Variants in SLC22A14 observed in about 807,000 individuals in gnomAD.
SLC22A14 encodes the protein organic cation transporter-like 4.
Under a neutral mutation model 53.9 loss-of-function variants are expected in SLC22A14, and 50 were observed. The observed-to-expected ratio is 0.93, with a 90% confidence interval of 0.74 to 1.17. The LOEUF is 1.17. SLC22A14 is among the 50% of genes most tolerant of loss of function. The pLI is 0.00. For missense variants in SLC22A14, 671 were observed against 734.7 expected (o/e 0.91, Z 1.00); for synonymous variants, 312 against 303.0 (o/e 1.03, Z -0.31).
At chr3:38,296,848 T>C (rs1026646364) in intron 1 of SLC22A14, among the ~76,000 whole-genome samples, 2 of 152,104 alleles carry the variant, frequency 1.3e-5, no homozygotes, top group Non-Finnish European at 2.9e-5. Flanking sequence ...AGAGCAGCAA[T>C]GGGCACCTCG....
chr3:38,301,528 A>G (rs1295916659), intron 1 of SLC22A14, among the ~76,000 whole-genome samples: 1 of 152,158 alleles, frequency 6.6e-6, no homozygotes, highest in Non-Finnish European at 1.5e-5. Flanking sequence ...TTATGTATTC[A>G]CATTATACGC....
At chr3:38,284,395 T>C (rs1483411855) in intron 1 of SLC22A14, among the ~76,000 whole-genome samples, 1 of 152,122 alleles carries the variant, frequency 6.6e-6, no homozygotes, top group Non-Finnish European at 1.5e-5. Context: ...GAGGGATAGA[T>C]TTGGCGAATG....
chr3:38,283,095 T>C (rs778725630), intron 1 of SLC22A14, among the ~76,000 whole-genome samples: 2 of 152,094 alleles, frequency 1.3e-5, no homozygotes, highest in African/African-American at 4.8e-5. Flanking sequence ...CTGCATTCCT[T>C]GGCTCTGGGA....
At chr3:38,281,175 G>A (rs947995810), upstream of SLC22A14, among the ~76,000 whole-genome samples, 2 of 152,168 alleles carry the variant, frequency 1.3e-5, no homozygotes, top group African/African-American at 2.4e-5. Flanking sequence ...TGATGCCCCA[G>A]ATACCAATAA....
At chr3:38,282,717 G>A (rs1703700028) in intron 1 of SLC22A14, among the ~76,000 whole-genome samples, 2 of 152,180 alleles carry the variant, frequency 1.3e-5, no homozygotes, top group Non-Finnish European at 2.9e-5. Context: ...TGGGGTATCA[G>A]GTGGTGCTGG....
intron 1 of SLC22A14, among the ~76,000 whole-genome samples, chr3:38,296,749 G>A (rs1422795560): frequency 1.3e-5 from 2 of 152,194 alleles, no homozygotes; most frequent in South Asian, 2.1e-4. Flanking sequence ...GAAGAGAGCC[G>A]TGGAACCCAG....
In SLC22A14 at chr3:38,282,297, G is replaced by A. The variant is rs1202501026; in HGVS notation, c.-43G>A. The A allele has an allele frequency of 6.6e-6, 1 of 152,668 alleles. No homozygotes were observed. Among genetic ancestry groups the A allele is most frequent in the Admixed American group, 6.5e-5 (1 of 15,288 alleles). 9.5% of individuals were successfully genotyped at this position (152,668 alleles called of 1,614,324 possible). A position where few individuals can be genotyped will look rare whatever the true frequency, so the allele number is the denominator to read the frequency against. Reference sequence around the variant, plus strand: ...TTCCTGGACACCAGTGGAGCTCAAAGGTTCTGCTTCCAAGGGTCTGGCTGG... The same window carrying A: ...TTCCTGGACACCAGTGGAGCTCAAAAGTTCTGCTTCCAAGGGTCTGGCTGG... On this transcript the variant is annotated 5_prime_UTR_variant, in exon 1 of 11. Coordinates refer to ENST00000448498, the MANE Select transcript of SLC22A14 (RefSeq NM_001320033.2).
rs1052049604 is a variant in SLC22A14 at position 38,306,658 on chromosome 3, G to T, written c.516+116G>T. The T allele has an allele frequency of 2.9e-6, 3 of 1,024,670 alleles. No individual in the cohort carries two copies. In the East Asian group the frequency reaches 7.2e-5, roughly 24 times the overall value. 63.5% of individuals were successfully genotyped at this position (1,024,670 alleles called of 1,614,324 possible). On this transcript the variant is annotated intron_variant, in intron 2 of 10. Coordinates refer to ENST00000448498, the MANE Select transcript of SLC22A14 (RefSeq NM_001320033.2). ...AGAGATGGGAAGCCATTGGCCTGAG[G>T]TCAACCTGCAGAGGCAGGGTCTGGG...
rs1302558862 is a variant in SLC22A14 at position 38,306,480 on chromosome 3, A to G, written c.454A>G (p.Thr152Ala). The G allele has an allele frequency of 1.2e-6, 2 of 1,614,008 alleles. No homozygotes were observed. The highest frequency in any genetic ancestry group is 2.7e-5 in the African/African-American group (2 of 74,892). The part of the protein sequence containing the change: ...DSIIQFGLND[T>A]DTCQDGWIYP... ...TATCATCCAGTTTGGCCTCAATGAC[A>G]CAGACACATGCCAAGATGGGTGGAT... Residue 152 changes from threonine (T) to alanine (A), a missense_variant, in exon 2 of 11, where the codon ACA (threonine) becomes GCA (alanine). Physicochemically the swap from Thr to Ala is moderately conservative, Grantham distance 58 (BLOSUM62 0). Transcript: ENST00000448498.
intron 10 of SLC22A14, among the ~76,000 whole-genome samples, chr3:38,317,170 G>A (rs115216758): frequency 0.011 from 1,742 of 152,340 alleles, 34 homozygotes; most frequent in African/African-American, 0.038. Context: ...GAGGAGCAGA[G>A]GTTGCCCGAG....
At chr3:38,293,320 G>A (rs777712558) in intron 1 of SLC22A14, among the ~76,000 whole-genome samples, 5 of 152,190 alleles carry the variant, frequency 3.3e-5, no homozygotes, top group Admixed American at 6.5e-5. Context: ...CTTTTCCAGA[G>A]CCTCCAAAGT....
chr3:38,314,923 CAAGAA>C (rs1559555005), intron 8 of SLC22A14, among the ~76,000 whole-genome samples: 1 of 152,216 alleles, frequency 6.6e-6, no homozygotes, highest in Non-Finnish European at 1.5e-5. Flanking sequence ...ATCCCAGAGA[CAAGAA>C]AAGCCAGGAC....
In SLC22A14 at chr3:38,316,399, C is replaced by CCCCT. The variant is rs1479326021; in HGVS notation, c.1615_1618dup (p.Leu540ProfsTer42). On this transcript the variant is annotated frameshift_variant, in exon 10 of 11. Transcript: ENST00000448498. LOFTEE classifies it high-confidence loss of function. Reference sequence around the variant, plus strand: ...TGTCCCTGACAATCATCAGCCAGACCCCCTCCCTCCTGCCCATCTTTCTCT... The same window carrying CCCCT: ...TGTCCCTGACAATCATCAGCCAGACCCCCTCCCTCCCTCCTGCCCATCTTTCTCT... 5.6e-6 allele frequency: 9 copies of CCCCT among 1,614,038 alleles called. No individual in the cohort carries two copies. The highest frequency in any genetic ancestry group is 6.8e-6 in the Non-Finnish European group (8 of 1,180,004).
At chr3:38,312,728 G>A (rs1412006937) in intron 5 of SLC22A14, among the ~76,000 whole-genome samples, 2 of 152,200 alleles carry the variant, frequency 1.3e-5, no homozygotes, top group African/African-American at 4.8e-5. Flanking sequence ...AGTGATTACT[G>A]AGGGCAAATC....
At chr3:38,315,821 T>A in intron 9 of SLC22A14, 110 bp downstream of exon 9, 2 of 1,142,668 alleles carry the variant, frequency 1.8e-6, no homozygotes, top group Non-Finnish European at 2.5e-6. Flanking sequence ...AGCACTGTGC[T>A]AAACAGTTTA....
At chr3:38,293,292 A>G (rs4955401) in intron 1 of SLC22A14, among the ~76,000 whole-genome samples, 9,770 of 152,090 alleles carry the variant, frequency 0.064, 372 homozygotes, top group East Asian at 0.16. Flanking sequence ...TTAGGCATTC[A>G]ATTTGCCCAG....
At chr3:38,312,694 T>C (rs1411031076) in intron 5 of SLC22A14, among the ~76,000 whole-genome samples, 1 of 152,030 alleles carries the variant, frequency 6.6e-6, no homozygotes, top group African/African-American at 2.4e-5. Context: ...GGTGGCCCCC[T>C]AGATAGAAAA....
chr3:38,302,302 A>G (rs1704181121), intron 1 of SLC22A14, among the ~76,000 whole-genome samples: 1 of 43,062 alleles, frequency 2.3e-5, no homozygotes, highest in Admixed American at 2.2e-4. Context: ...ATATATACAC[A>G]TATATATTTA....
intron 1 of SLC22A14, among the ~76,000 whole-genome samples, chr3:38,288,356 C>T (rs1002008143): frequency 6.6e-6 from 1 of 152,174 alleles, no homozygotes; most frequent in Non-Finnish European, 1.5e-5. Context: ...TGTGTTGCTT[C>T]CACCTTTTGT....
Sources: allele counts gnomAD v4.1 joint callset (sites outside exome capture counted in the v4.1 genomes callset), GRCh38; gene constraint gnomAD v4.1.1; transcripts MANE v1.5; gene names NCBI Gene and HGNC (gene_info 2026-07-23, HGNC 2026-07-21).